SLC25A4: variants seen among roughly 807,000 people sequenced by gnomAD.
SLC25A4 encodes the protein ADP/ATP translocase 1.
In SLC25A4, 10 loss-of-function variants were observed where a neutral mutation model predicts 24.7. That is an observed-to-expected ratio of 0.41 (90% confidence interval 0.25 to 0.69). The LOEUF is 0.69. Among genes scored for constraint, SLC25A4 ranks in the 30% least tolerant of loss-of-function variants. SLC25A4 has a pLI of 0.35. For synonymous variants in SLC25A4, 125 were observed against 153.3 expected, an observed-to-expected ratio of 0.82 and a Z score of 1.36; for missense variants, 273 against 387.6, an observed-to-expected ratio of 0.70 and a Z score of 2.48.
Position 185,145,890 on chromosome 4 carries a change from C to T in SLC25A4, c.730C>T (p.Arg244Trp), listed in dbSNP as rs1734433822. 1.9e-6 allele frequency: 3 copies of T among 1,614,136 alleles called. No homozygotes were observed. The highest frequency in any genetic ancestry group is 2.5e-6 in the Non-Finnish European group (3 of 1,180,030). Residue 244 changes from arginine (R) to tryptophan (W), a missense_variant, in exon 3 of 4, where the codon CGG becomes TGG. By Grantham distance (101) the Arg-to-Trp change is moderately radical. Transcript: ENST00000281456. The surrounding 1 kb of genome is among the most constrained non-coding windows in gnomAD (Gnocchi z 5.5). Reference sequence around the variant, plus strand: ...TCGTAGAATGATGATGCAGTCCGGCCGGAAAGGGGGTAAGCTTGTGCTCTA... The same window carrying T: ...TCGTAGAATGATGATGCAGTCCGGCTGGAAAGGGGGTAAGCTTGTGCTCTA... ...VRRRMMMQSGRKGADIMYTGT... is the reference protein window; with the variant it reads ...VRRRMMMQSGWKGADIMYTGT...
chr4:185,143,426 C>T lies in SLC25A4; in HGVS notation c.54C>T (p.Ala18=), dbSNP rs985824882. 6 of 1,523,428 alleles carry T rather than the reference C, an allele frequency of 3.9e-6. No individual in the cohort carries two copies. The highest frequency in any genetic ancestry group is 1.4e-5 in the African/African-American group (1 of 70,598). 94.4% of individuals were successfully genotyped at this position (1,523,428 alleles called of 1,614,324 possible). A position where few individuals can be genotyped will look rare whatever the true frequency, so the allele number is the denominator to read the frequency against. ...FLKDFLAGGV[A]AAVSKTAVAP... is the part of the protein sequence containing the mutation. ...AGGACTTCCTGGCCGGGGGCGTCGC[C>T]GCTGCCGTCTCCAAGACCGCGGTCG... Residue 18 remains alanine (A), a synonymous_variant, in exon 1 of 4, where the codon GCC becomes GCT. Transcript: ENST00000281456.
Position 185,147,290 on chromosome 4 carries a change from A to C in SLC25A4, c.*319A>C. On this transcript the variant is annotated 3_prime_UTR_variant, in exon 4 of 4. Coordinates refer to ENST00000281456, the MANE Select transcript of SLC25A4 (RefSeq NM_001151.4). ...TAATGCACGCTTTCTATTTTATTGA[A>C]CTCTTATTAACTGTAAAATGCATTT... The C allele has an allele frequency of 3.9e-6, 1 of 257,358 alleles. No individual in the cohort carries two copies. Among genetic ancestry groups the C allele is most frequent in the East Asian group, 9.0e-5 (1 of 11,110 alleles). The allele number at this position is 257,358 out of a possible 1,614,324, so 15.9% of individuals were successfully genotyped here.
In SLC25A4 at chr4:185,147,401, A is replaced by C. The variant is rs375325238; in HGVS notation, c.*430A>C. ...TCTAAATGCCAGATATTATATTGAG[A>C]ATGTATTATATGAGAACGTACAATG... is the stretch of plus-strand genomic sequence containing the variant. On this transcript the variant is annotated 3_prime_UTR_variant, in exon 4 of 4. Coordinates refer to ENST00000281456, the MANE Select transcript of SLC25A4 (RefSeq NM_001151.4). The C allele has an allele frequency of 4.6e-4, 94 of 205,270 alleles. No homozygotes were observed. Among genetic ancestry groups the C allele is most frequent in the African/African-American group, 2.1e-3 (89 of 42,536 alleles). The allele number at this position is 205,270 out of a possible 1,614,324, so 12.7% of individuals were successfully genotyped here.
Position 185,146,885 on chromosome 4 carries a change from T to A in SLC25A4, c.811T>A (p.Phe271Ile). 6.2e-7 allele frequency: 1 copy of A among 1,614,210 alleles called. No homozygotes were observed. ...IAKDEGAKAFFKGAWSNVLRG... is the reference protein window; with the variant it reads ...IAKDEGAKAFIKGAWSNVLRG... ...AAAAGACGAAGGAGCCAAGGCCTTC[T>A]TCAAAGGTGCCTGGTCCAATGTGCT... The change falls in exon 4 of 4, where the codon TTC becomes ATC. Residue 271 changes from phenylalanine to isoleucine, a missense_variant. Transcript: ENST00000281456.
In SLC25A4 at chr4:185,150,099, C is replaced by T. The variant is rs1043856025; in HGVS notation, c.*3128C>T. The T allele has an allele frequency of 3.3e-5, 5 of 152,258 alleles. No individual in the cohort carries two copies. Among genetic ancestry groups the T allele is most frequent in the African/African-American group, 9.6e-5 (4 of 41,462 alleles). 9.4% of individuals were successfully genotyped at this position (152,258 alleles called of 1,614,324 possible). ...TGCAAGAGAATCGAGCGCCGCAAGGCGAGCTTATCTTCCACACCTGGTACA... is the reference window on the plus strand; with the variant it reads ...TGCAAGAGAATCGAGCGCCGCAAGGTGAGCTTATCTTCCACACCTGGTACA... On this transcript the variant is annotated 3_prime_UTR_variant, in exon 4 of 4. Transcript: ENST00000281456.
Position 185,149,778 on chromosome 4 carries a change from A to G in SLC25A4, c.*2807A>G, listed in dbSNP as rs1320209939. The stretch of plus-strand genomic sequence containing the variant: ...GCCCTCCTTCACCACCACCACCCCC[A>G]CCCCAATCACCTTTAGGTATTTTCT... On this transcript the variant is annotated 3_prime_UTR_variant, in exon 4 of 4. Coordinates refer to ENST00000281456, the MANE Select transcript of SLC25A4 (RefSeq NM_001151.4). 2.7e-5 allele frequency: 4 copies of G among 148,874 alleles called. No homozygotes were observed. Among genetic ancestry groups the G allele is most frequent in the Non-Finnish European group, 5.9e-5 (4 of 67,458 alleles). 9.2% of individuals were successfully genotyped at this position (148,874 alleles called of 1,614,324 possible).
At position 185,147,083 on chromosome 4, in the gene SLC25A4, A is replaced by G. The variant is rs904551977; in HGVS notation, c.*112A>G. 2.1e-6 allele frequency: 2 copies of G among 953,118 alleles called. No individual in the cohort carries two copies. Among genetic ancestry groups the G allele is most frequent in the Non-Finnish European group, 3.2e-6 (2 of 616,486 alleles). 59.0% of individuals were successfully genotyped at this position (953,118 alleles called of 1,614,324 possible). On this transcript the variant is annotated 3_prime_UTR_variant, in exon 4 of 4. Coordinates refer to ENST00000281456, the MANE Select transcript of SLC25A4 (RefSeq NM_001151.4). Reference sequence around the variant, plus strand: ...AGGGGAAGTAAAAAGATCTGGGATAAAACCAGACTGAAAGGAATACCTCAG... The same window carrying G: ...AGGGGAAGTAAAAAGATCTGGGATAGAACCAGACTGAAAGGAATACCTCAG...
chr4:185,145,166 G>T lies in SLC25A4; in HGVS notation c.514G>T (p.Gly172Trp), dbSNP rs781716627. 1.2e-6 allele frequency: 2 copies of T among 1,613,808 alleles called. No homozygotes were observed. The highest frequency in any genetic ancestry group is 1.7e-6 in the Non-Finnish European group (2 of 1,179,780). ...IKIFKSDGLRGLYQGFNVSVQ... is the reference protein window; with the variant it reads ...IKIFKSDGLRWLYQGFNVSVQ... Reference sequence around the variant, plus strand: ...GATCTTCAAGTCTGATGGCCTGAGGGGGCTCTACCAGGGTTTCAACGTCTC... The same window carrying T: ...GATCTTCAAGTCTGATGGCCTGAGGTGGCTCTACCAGGGTTTCAACGTCTC... The change falls in exon 2 of 4, where the codon GGG becomes TGG. Residue 172 changes from glycine to tryptophan, a missense_variant. Coordinates refer to ENST00000281456, the MANE Select transcript of SLC25A4 (RefSeq NM_001151.4). This position sits in a 1 kb window ranked among gnomAD's most constrained non-coding sequence, Gnocchi z 5.5.
In SLC25A4 at chr4:185,147,031, C is replaced by A; in HGVS notation, c.*60C>A. On this transcript the variant is annotated 3_prime_UTR_variant, in exon 4 of 4. Coordinates refer to ENST00000281456, the MANE Select transcript of SLC25A4 (RefSeq NM_001151.4). ...AACTTGATCTACAAGTTCACAGATC[C>A]ATTGTGTGGTTTAATAGACTATTCC... The A allele has an allele frequency of 6.7e-7, 1 of 1,498,328 alleles. No homozygotes were observed. Among genetic ancestry groups the A allele is most frequent in the Non-Finnish European group, 9.2e-7 (1 of 1,081,756 alleles). 92.8% of individuals were successfully genotyped at this position (1,498,328 alleles called of 1,614,324 possible). A position where few individuals can be genotyped will look rare whatever the true frequency, so the allele number is the denominator to read the frequency against.
chr4:185,145,010 G>A lies in SLC25A4; in HGVS notation c.358G>A (p.Gly120Ser), dbSNP rs1398611131. 5.6e-6 allele frequency: 9 copies of A among 1,614,078 alleles called. No homozygotes were observed. The highest frequency in any genetic ancestry group is 5.1e-6 in the Non-Finnish European group (6 of 1,180,048). ...CTACTTTGCTGGTAACCTGGCGTCCGGTGGGGCCGCTGGGGCCACCTCCCT... is the reference window on the plus strand; with the variant it reads ...CTACTTTGCTGGTAACCTGGCGTCCAGTGGGGCCGCTGGGGCCACCTCCCT... ...WRYFAGNLASGGAAGATSLCF... is the reference protein window; with the variant it reads ...WRYFAGNLASSGAAGATSLCF... The change falls in exon 2 of 4, where the codon GGT becomes AGT. Residue 120 changes from glycine (G) to serine (S), a missense_variant. Physicochemically the swap from Gly to Ser is moderately conservative, Grantham distance 56. Transcript: ENST00000281456. The surrounding 1 kb of genome is among the most constrained non-coding windows in gnomAD (Gnocchi z 5.5).
chr4:185,144,643 TTCC>T (rs1560841540), intron 1 of SLC25A4, 118 bp from the exon 2 acceptor site: 1 of 907,778 alleles, frequency 1.1e-6, no homozygotes, highest in South Asian at 1.4e-5. Flanking sequence ...TCCATTTGAT[TTCC>T]TCATCCTTTT....
At position 185,145,425 on chromosome 4, in the gene SLC25A4, G is replaced by A; in HGVS notation, c.598+175G>A. On this transcript the variant is annotated intron_variant, in intron 2 of 3. Coordinates refer to ENST00000281456, the MANE Select transcript of SLC25A4 (RefSeq NM_001151.4). This position sits in a 1 kb window ranked among gnomAD's most constrained non-coding sequence, Gnocchi z 5.5. ...AGTTAATAGCTGAAGCGTTCCTTGT[G>A]TCCTCTACTGAAATAAACTCTGGCC... 1.1e-6 allele frequency: 1 copy of A among 945,030 alleles called. No homozygotes were observed. The allele number at this position is 945,030 out of a possible 1,614,324, so 58.5% of individuals were successfully genotyped here.
chr4:185,146,983 C>T lies in SLC25A4; in HGVS notation c.*12C>T. On this transcript the variant is annotated 3_prime_UTR_variant, in exon 4 of 4. Transcript: ENST00000281456. ...AAAAATATGTCTAATGTAATTAAAA[C>T]ACAAGTTCACAGATTTACAGTGAAC... 2.5e-6 allele frequency: 4 copies of T among 1,610,884 alleles called. No individual in the cohort carries two copies. The highest frequency in any genetic ancestry group is 1.3e-5 in the African/African-American group (1 of 74,958).
chr4:185,148,023 C>G lies in SLC25A4; in HGVS notation c.*1052C>G, dbSNP rs1300484533. The G allele has an allele frequency of 6.6e-6, 1 of 151,796 alleles. No homozygotes were observed. The highest frequency in any genetic ancestry group is 1.5e-5 in the Non-Finnish European group (1 of 67,996). 9.4% of individuals were successfully genotyped at this position (151,796 alleles called of 1,614,324 possible). A position where few individuals can be genotyped will look rare whatever the true frequency, so the allele number is the denominator to read the frequency against. ...AGAAAATCAGTTGTCTTAGTTTAAG[C>G]TACTATAACAAGGTACTGTAGACTG... is the stretch of plus-strand genomic sequence containing the variant. On this transcript the variant is annotated 3_prime_UTR_variant, in exon 4 of 4. Transcript: ENST00000281456.
intron 1 of SLC25A4, 139 bp downstream of exon 1, chr4:185,143,622 C>A: frequency 9.7e-6 from 1 of 103,082 alleles, no homozygotes; most frequent in South Asian, 3.2e-4. Flanking sequence ...CCCGCCCGCC[C>A]GCCCGCCCGC....
chr4:185,149,449 A>C lies in SLC25A4; in HGVS notation c.*2478A>C, dbSNP rs1191875547. 1 of 152,280 alleles carries C rather than the reference A, an allele frequency of 6.6e-6. No homozygotes were observed. Among genetic ancestry groups the C allele is most frequent in the Non-Finnish European group, 1.5e-5 (1 of 68,126 alleles). 9.4% of individuals were successfully genotyped at this position (152,280 alleles called of 1,614,324 possible). A position where few individuals can be genotyped will look rare whatever the true frequency, so the allele number is the denominator to read the frequency against. ...ATGTCAGCCCTTCCGCTTCCTGCGA[A>C]GGTTACCTCTAATGCACGTTGCCCC... is the stretch of plus-strand genomic sequence containing the variant. On this transcript the variant is annotated 3_prime_UTR_variant, in exon 4 of 4. Transcript: ENST00000281456.
At chr4:185,146,552 C>T (rs920349556) in intron 3 of SLC25A4, among the ~76,000 whole-genome samples, 1 of 152,172 alleles carries the variant, frequency 6.6e-6, no homozygotes, top group Non-Finnish European at 1.5e-5. Context: ...TCTTGTTTCG[C>T]AGTTGGGCAG....
In SLC25A4 at chr4:185,145,108, TGA is replaced by T; in HGVS notation, c.458_459del (p.Glu153ValfsTer15). 6.2e-7 allele frequency: 1 copy of T among 1,612,592 alleles called. No homozygotes were observed. Reference sequence around the variant, plus strand: ...ATGTGGGCAAGGGCGCCGCCCAGCGTGAGTTCCATGGTCTGGGCGACTGTATC... The same window carrying T: ...ATGTGGGCAAGGGCGCCGCCCAGCGTGTTCCATGGTCTGGGCGACTGTATC... ...ADVGKGAAQR[E>X]FHGLGDCIIK... On this transcript the variant is annotated frameshift_variant, in exon 2 of 4. Coordinates refer to ENST00000281456, the MANE Select transcript of SLC25A4 (RefSeq NM_001151.4). LOFTEE classifies it high-confidence loss of function. The surrounding 1 kb of genome is among the most constrained non-coding windows in gnomAD (Gnocchi z 5.5).
Position 185,149,647 on chromosome 4 carries a change from G to C in SLC25A4, c.*2676G>C, listed in dbSNP as rs1483136161. The C allele has an allele frequency of 3.9e-5, 6 of 152,090 alleles. No homozygotes were observed. Among genetic ancestry groups the C allele is most frequent in the Non-Finnish European group, 8.8e-5 (6 of 68,042 alleles). The allele number at this position is 152,090 out of a possible 1,614,324, so 9.4% of individuals were successfully genotyped here. ...AAAGCTGCCTCATGCTGGAAGGTCT[G>C]GTTTACGTAAAAGTGACAAGTTGGA... On this transcript the variant is annotated 3_prime_UTR_variant, in exon 4 of 4. Transcript: ENST00000281456.
Sources: gnomAD v4.1 joint callset for allele counts (sites outside exome capture counted in the v4.1 genomes callset) on GRCh38, gnomAD v4.1.1 for gene constraint, Gnocchi (gnomAD v3.1) non-coding constraint, MANE v1.5 for transcripts, NCBI Gene and HGNC (gene_info 2026-07-23, HGNC 2026-07-21) for gene names.